Variants in SLC16A1 observed in about 807,000 individuals in gnomAD.
SLC16A1 encodes the protein solute carrier family 16 member 1.
SLC16A1 carries 11 observed loss-of-function variants against 32.2 expected under a neutral mutation model. The observed-to-expected ratio is 0.34, with a 90% CI of 0.21 to 0.56. SLC16A1 has a LOEUF of 0.56. Ranked by LOEUF, SLC16A1 falls within the 20% of genes least tolerant of loss-of-function variation. The probability of loss-of-function intolerance (pLI) is 0.87; values close to 1 mark genes in which losing one functional copy is unlikely to be tolerated. For synonymous variants in SLC16A1, 231 were observed against 226.8 expected, an observed-to-expected ratio of 1.02 and a Z score of -0.17; for missense variants, 435 against 615.0, an observed-to-expected ratio of 0.71 and a Z score of 3.10.
At chr1:112,952,436 T>C (rs1649929059) in intron 1 of SLC16A1, among the ~76,000 whole-genome samples, 1 of 152,140 alleles carries the variant, frequency 6.6e-6, no homozygotes, top group South Asian at 2.1e-4. Context: ...AAATGTAATA[T>C]GTTACCTTGT....
intron 2 of SLC16A1, chr1:112,924,177 C>T (rs1439944802): frequency 6.7e-7 from 1 of 1,496,900 alleles, no homozygotes; most frequent in Non-Finnish European, 9.3e-7. Flanking sequence ...CCACTCACAG[C>T]TGCAGGGTGC....
chr1:112,932,119 A>G (rs1436966948), intron 1 of SLC16A1, among the ~76,000 whole-genome samples: 8 of 152,240 alleles, frequency 5.3e-5, no homozygotes, highest in African/African-American at 1.4e-4. Flanking sequence ...AAATAGCTCC[A>G]TACAAGAAGT....
chr1:112,948,958 G>A (rs1649796527), intron 1 of SLC16A1, among the ~76,000 whole-genome samples: 1 of 152,172 alleles, frequency 6.6e-6, no homozygotes, highest in African/African-American at 2.4e-5. Context: ...AGCCTCCCGA[G>A]TAGCTGGGAC....
In SLC16A1 at chr1:112,918,042, G is replaced by A. The variant is rs546303132; in HGVS notation, c.364C>T (p.Leu122Phe). Residue 122 changes from leucine to phenylalanine, a missense_variant and splice_region_variant, in exon 4 of 5, where the codon CTT (leucine) becomes TTT (phenylalanine). Physicochemically the swap from Leu to Phe is conservative, Grantham distance 22. This residue lies in a region of SLC16A1 where 324 missense variants were observed against 500.3 expected (regional missense o/e 0.65). Coordinates refer to ENST00000369626, the MANE Select transcript of SLC16A1 (RefSeq NM_003051.4). ...GGATTCAAGTTGAAGGCAAGCCCAAGACCTGTGAAGACAATAAATAAATAA... is the reference window on the plus strand; with the variant it reads ...GGATTCAAGTTGAAGGCAAGCCCAAAACCTGTGAAGACAATAAATAAATAA... Reference protein sequence around the residue: ...LYVCIGVIGGLGLAFNLNPAL... With the variant: ...LYVCIGVIGGFGLAFNLNPAL... 5.6e-5 allele frequency: 83 copies of A among 1,471,728 alleles called. 1 individual carries two copies. The South Asian group carries it at 1.1e-3, about 20-fold the overall frequency. 91.2% of individuals were successfully genotyped at this position (1,471,728 alleles called of 1,614,324 possible).
chr1:112,925,588 A>G (rs2101630112), intron 2 of SLC16A1, among the ~76,000 whole-genome samples: 1 of 151,696 alleles, frequency 6.6e-6, no homozygotes, highest in Non-Finnish European at 1.5e-5. Context: ...CATGTTGCCC[A>G]GGTTGGTCTT....
chr1:112,944,788 G>C (rs2101648423), intron 1 of SLC16A1, among the ~76,000 whole-genome samples: 1 of 152,222 alleles, frequency 6.6e-6, no homozygotes, highest in Middle Eastern at 3.4e-3. Context: ...TGCATCCCAG[G>C]TTCAAGCCAT....
chr1:112,949,476 CA>C (rs1403536295), intron 1 of SLC16A1, among the ~76,000 whole-genome samples: 2 of 152,170 alleles, frequency 1.3e-5, no homozygotes, highest in African/African-American at 4.8e-5. Context: ...AAAACCAAGT[CA>C]ATAACCAAGA....
At chr1:112,923,179 C>T (rs533314801) in intron 2 of SLC16A1, among the ~76,000 whole-genome samples, 13 of 152,192 alleles carry the variant, frequency 8.5e-5, no homozygotes, top group Middle Eastern at 3.4e-3. Context: ...ATTAGCTGGG[C>T]GTGGTGGCGC....
chr1:112,923,760 C>T (rs879160456), intron 2 of SLC16A1: 1 of 1,517,514 alleles, frequency 6.6e-7, no homozygotes, highest in Admixed American at 1.7e-5. Flanking sequence ...GGGCAAGTTC[C>T]TGGATCTTGG....
intron 1 of SLC16A1, among the ~76,000 whole-genome samples, chr1:112,940,161 A>G (rs1348752161): frequency 1.3e-5 from 2 of 149,318 alleles, no homozygotes; most frequent in African/African-American, 4.9e-5. Flanking sequence ...CCTTAGTCTC[A>G]CGAGTAGCTG....
chr1:112,941,784 A>G (rs1288886858), intron 1 of SLC16A1, among the ~76,000 whole-genome samples: 10 of 152,214 alleles, frequency 6.6e-5, no homozygotes, highest in Non-Finnish European at 1.3e-4. Flanking sequence ...TTTTGTTTCA[A>G]GTAAATATAG....
rs750135904 is a variant in SLC16A1, at chr1:112,912,090, T to C, written c.*1801A>G. ...ATGATGCCCAGGCATACAAAGGGAG[T>C]TTTTCATTGTTTCCTTAAGGTTAAC... On this transcript the variant is annotated 3_prime_UTR_variant, in exon 5 of 5. Coordinates refer to ENST00000369626, the MANE Select transcript of SLC16A1 (RefSeq NM_003051.4). 4.6e-5 allele frequency: 7 copies of C among 152,138 alleles called. No homozygotes were observed. The highest frequency in any genetic ancestry group is 7.3e-5 in the Non-Finnish European group (5 of 68,028). The allele number at this position is 152,138 out of a possible 1,614,324, so 9.4% of individuals were successfully genotyped here. A position where few individuals can be genotyped will look rare whatever the true frequency, so the allele number is the denominator to read the frequency against.
chr1:112,921,845 C>A, intron 3 of SLC16A1, 145 bp downstream of exon 3: 1 of 985,540 alleles, frequency 1.0e-6, no homozygotes, highest in Non-Finnish European at 1.5e-6. Context: ...TTTTCTAGTA[C>A]TTTTATCTCT....
At chr1:112,945,250 A>G (rs1296514733) in intron 1 of SLC16A1, among the ~76,000 whole-genome samples, 1 of 151,624 alleles carries the variant, frequency 6.6e-6, no homozygotes. Flanking sequence ...CCGCCTCAGC[A>G]TCACAAAGTG....
At chr1:112,916,455 G>A (rs185115015) in intron 4 of SLC16A1, among the ~76,000 whole-genome samples, 6 of 132,688 alleles carry the variant, frequency 4.5e-5, no homozygotes, top group Admixed American at 8.5e-5. Context: ...CCGAGATCGC[G>A]CCATTGCACT....
At chr1:112,933,370 C>T (rs778753906) in intron 1 of SLC16A1, among the ~76,000 whole-genome samples, 3 of 150,838 alleles carry the variant, frequency 2.0e-5, no homozygotes, top group African/African-American at 7.3e-5. Flanking sequence ...GAGAATCGCT[C>T]GCTTGAACCC....
At chr1:112,940,418 CA>C (rs1649469186) in intron 1 of SLC16A1, among the ~76,000 whole-genome samples, 2 of 151,874 alleles carry the variant, frequency 1.3e-5, no homozygotes, top group East Asian at 3.9e-4. Flanking sequence ...TTGAAGGATC[CA>C]AAAAAACCAC....
chr1:112,953,092 C>A (rs1649953433), intron 1 of SLC16A1, among the ~76,000 whole-genome samples: 1 of 151,972 alleles, frequency 6.6e-6, no homozygotes. Context: ...CATATTGCAT[C>A]CAAAGTGATG....
intron 1 of SLC16A1, among the ~76,000 whole-genome samples, chr1:112,934,858 C>CACAA (rs1005836592): frequency 3.7e-4 from 56 of 152,144 alleles, no homozygotes; most frequent in African/African-American, 1.4e-3. Flanking sequence ...AAAGATTTCC[C>CACAA]ACAAAGGCCT....
Sources: allele counts gnomAD v4.1 joint callset (sites outside exome capture counted in the v4.1 genomes callset), GRCh38; gene constraint gnomAD v4.1.1; regional missense constraint gnomAD v4.1.1; transcripts MANE v1.5; gene names NCBI Gene and HGNC (gene_info 2026-07-23, HGNC 2026-07-21).